Variants in PDZD2 observed in about 807,000 individuals in gnomAD.
PDZD2 encodes PDZ domain containing 2.
PDZD2 carries 90 observed loss-of-function variants against 220.7 expected under a neutral mutation model. The observed-to-expected ratio is 0.41, with a 90% CI of 0.34 to 0.49. PDZD2 has a LOEUF of 0.49. Among genes scored for constraint, PDZD2 ranks in the 20% least tolerant of loss-of-function variants. The pLI is 0.28. For missense variants in PDZD2, 3,174 were observed against 3,608.5 expected (o/e 0.88, Z 3.08); for synonymous variants, 1,375 against 1,450.5 (o/e 0.95, Z 1.18).
intron 4 of PDZD2, among the ~76,000 whole-genome samples, chr5:31,999,800 A>C (rs554793423): frequency 1.9e-4 from 29 of 152,224 alleles, no homozygotes; most frequent in African/African-American, 7.0e-4. Flanking sequence ...GAGGATTAAG[A>C]AACGAATGAC....
At chr5:31,693,410 T>A (rs1167338610) in intron 1 of PDZD2, among the ~76,000 whole-genome samples, 1 of 151,840 alleles carries the variant, frequency 6.6e-6, no homozygotes, top group Non-Finnish European at 1.5e-5. Context: ...CCAGGCTAAT[T>A]TCTGTATTTT....
At chr5:31,905,300 C>A (rs1265030474) in intron 2 of PDZD2, among the ~76,000 whole-genome samples, 1 of 152,150 alleles carries the variant, frequency 6.6e-6, no homozygotes, top group Admixed American at 6.5e-5. Context: ...GTGTTTTGAT[C>A]AGTGTCCCTT....
At chr5:31,785,216 G>A (rs1753309966) in intron 1 of PDZD2, among the ~76,000 whole-genome samples, 1 of 151,968 alleles carries the variant, frequency 6.6e-6, no homozygotes, top group Non-Finnish European at 1.5e-5. Flanking sequence ...GTTTACACAT[G>A]AGAAATAGAT....
intron 1 of PDZD2, among the ~76,000 whole-genome samples, chr5:31,796,934 GT>G (rs528831445): frequency 0.24 from 34,121 of 141,884 alleles, 4,597 homozygotes; most frequent in African/African-American, 0.4. Context: ...TTGTTTTTTT[GT>G]TTTTTTTTTT....
chr5:31,961,362 T>G (rs1321023873), intron 2 of PDZD2, among the ~76,000 whole-genome samples: 2 of 101,908 alleles, frequency 2.0e-5, no homozygotes, highest in Non-Finnish European at 3.8e-5. Flanking sequence ...CGAAACTCCG[T>G]CTCTACAAAA....
intron 1 of PDZD2, among the ~76,000 whole-genome samples, 155 bp from the exon 2 acceptor site, chr5:31,798,734 C>T (rs1454250121): frequency 6.6e-6 from 1 of 152,166 alleles, no homozygotes; most frequent in Admixed American, 6.5e-5. Flanking sequence ...TGGAGGTAGC[C>T]ACACGGGGGA....
intron 2 of PDZD2, among the ~76,000 whole-genome samples, chr5:31,958,647 A>G (rs1463381611): frequency 6.6e-6 from 1 of 150,618 alleles, no homozygotes; most frequent in East Asian, 2.0e-4. Context: ...CCGTCATAGG[A>G]TCTTGCTCTT....
In PDZD2 at chr5:32,092,889, T is replaced by C; in HGVS notation, c.7728-18T>C. The C allele has an allele frequency of 8.1e-7, 1 of 1,237,274 alleles. No individual in the cohort carries two copies. Among genetic ancestry groups the C allele is most frequent in the Non-Finnish European group, 1.2e-6 (1 of 862,160 alleles). The allele number at this position is 1,237,274 out of a possible 1,614,324, so 76.6% of individuals were successfully genotyped here. On this transcript the variant is annotated intron_variant, in intron 20 of 24. Transcript: ENST00000438447. ...GCTTTTTTCTTTAATGTTCTTCAAA[T>C]ATATTTATATTATTTAGTTTGGATC...
intron 2 of PDZD2, among the ~76,000 whole-genome samples, chr5:31,829,697 C>CTTA (rs1756447442): frequency 6.6e-6 from 1 of 152,102 alleles, no homozygotes; most frequent in Non-Finnish European, 1.5e-5. Context: ...CTCCTTCTTA[C>CTTA]CTCTTACCAG....
intron 1 of PDZD2, among the ~76,000 whole-genome samples, chr5:31,649,800 T>C (rs1311083554): frequency 6.6e-6 from 1 of 151,752 alleles, no homozygotes; most frequent in African/African-American, 2.4e-5. Context: ...TAGCCAGGCA[T>C]GGTGGCGCGC....
In PDZD2 at chr5:31,914,635, G is replaced by A. The variant is rs572377528; in HGVS notation, c.477-68520G>A. 8.5e-5 allele frequency among the ~76,000 whole-genome samples: 13 copies of A among 152,352 alleles called. No homozygotes were observed. In the South Asian group the frequency reaches 2.1e-3, roughly 24 times the overall value. ...TCAGAGGACAACTTTGAAACTTTCA[G>A]AGGACAGATGTCAATGTGAGAAAGG... On this transcript the variant is annotated intron_variant, in intron 2 of 24. Coordinates refer to ENST00000438447, the MANE Select transcript of PDZD2 (RefSeq NM_178140.4).
intron 2 of PDZD2, among the ~76,000 whole-genome samples, chr5:31,906,630 G>A (rs1742683622): frequency 6.6e-6 from 1 of 152,076 alleles, no homozygotes; most frequent in African/African-American, 2.4e-5. Flanking sequence ...ATCATCTGAG[G>A]TCAGGAGTTC....
intron 2 of PDZD2, among the ~76,000 whole-genome samples, chr5:31,821,395 T>TATTATTAC (rs1160948619): frequency 6.8e-6 from 1 of 146,586 alleles, no homozygotes; most frequent in African/African-American, 2.5e-5. Context: ...TTATTTTTTT[T>TATTATTAC]TTTTGAGATG....
At chr5:32,023,468 T>TTTAA (rs202247136) in intron 6 of PDZD2, among the ~76,000 whole-genome samples, 4,794 of 152,312 alleles carry the variant, frequency 0.031, 111 homozygotes, top group Non-Finnish European at 0.045. Context: ...TTAAAACCTA[T>TTTAA]TTAAACAGTG....
intron 1 of PDZD2, chr5:31,744,368 G>A (rs568663445): frequency 6.6e-5 from 10 of 152,240 alleles, no homozygotes; most frequent in African/African-American, 2.2e-4. Flanking sequence ...AGGGTCAGGA[G>A]CAGGTCTGTC....
intron 2 of PDZD2, among the ~76,000 whole-genome samples, chr5:31,963,582 G>A (rs114262201): frequency 0.03 from 4,574 of 152,286 alleles, 87 homozygotes; most frequent in Middle Eastern, 0.065. Flanking sequence ...GCCTCGCTGG[G>A]ATGGGCAGCC....
chr5:31,663,037 A>T (rs1745843505), intron 1 of PDZD2, among the ~76,000 whole-genome samples: 1 of 152,260 alleles, frequency 6.6e-6, no homozygotes, highest in South Asian at 2.1e-4. Flanking sequence ...CACCTCTCAC[A>T]TGAAAACAAT....
At chr5:31,672,236 A>G (rs923780571) in intron 1 of PDZD2, among the ~76,000 whole-genome samples, 1 of 152,176 alleles carries the variant, frequency 6.6e-6, no homozygotes, top group African/African-American at 2.4e-5. Flanking sequence ...GTCTTGTTAA[A>G]ATGCAGATTC....
chr5:31,855,131 C>T (rs1367933817), intron 2 of PDZD2: 3 of 984,610 alleles, frequency 3.0e-6, no homozygotes, highest in East Asian at 2.3e-4. Flanking sequence ...CCAGGAGCTC[C>T]GGAGAGGAAC....
Sources: allele counts gnomAD v4.1 joint callset (sites outside exome capture counted in the v4.1 genomes callset), GRCh38; gene constraint gnomAD v4.1.1; transcripts MANE v1.5; gene names NCBI Gene and HGNC (gene_info 2026-07-23, HGNC 2026-07-21).